The following RPGRIP1L variants were observed in gnomAD, a reference collection of about 807,000 sequenced individuals.
RPGRIP1L encodes the protein RPGRIP1 like.
RPGRIP1L carries 131 observed loss-of-function variants against 160.4 expected under a neutral mutation model. The ratio of observed to expected loss-of-function variants is 0.82; its 90% CI spans 0.71 to 0.94. The LOEUF is 0.94. Ranked by LOEUF, RPGRIP1L falls within the 40% of genes least tolerant of loss-of-function variation. The pLI is 0.00. For synonymous variants in RPGRIP1L, 510 were observed against 515.8 expected (o/e 0.99, Z 0.15); for missense variants, 1,522 against 1,535.8 (o/e 0.99, Z 0.15).
At chr16:53,636,980 A>G (rs1474244259) in intron 21 of RPGRIP1L, among the ~76,000 whole-genome samples, 1 of 136,120 alleles carries the variant, frequency 7.3e-6, no homozygotes, top group Non-Finnish European at 1.6e-5. Context: ...ACACACACAC[A>G]CACACACTCT....
rs1234992132 is a variant in RPGRIP1L at position 53,598,633 on chromosome 16, G to A, written c.*3443C>T. 1.3e-5 allele frequency: 2 copies of A among 152,158 alleles called. No individual in the cohort carries two copies. Among genetic ancestry groups the A allele is most frequent in the African/African-American group, 4.8e-5 (2 of 41,442 alleles). The allele number at this position is 152,158 out of a possible 1,614,324, so 9.4% of individuals were successfully genotyped here. Reference sequence around the variant, plus strand: ...TTTCTAGCTTTCTGGTTGACCTAGAGGTTGTTTTTGTTCTGAACAAAGGGG... The same window carrying A: ...TTTCTAGCTTTCTGGTTGACCTAGAAGTTGTTTTTGTTCTGAACAAAGGGG... On this transcript the variant is annotated 3_prime_UTR_variant, in exon 27 of 27. Transcript: ENST00000647211.
chr16:53,695,619 C>T, intron 3 of RPGRIP1L: 1 of 577,772 alleles, frequency 1.7e-6, no homozygotes, highest in South Asian at 2.2e-5. Context: ...ATTTTTTGCA[C>T]ATAAATCAAA....
At chr16:53,607,307 TATAG>T (rs1963751468) in intron 25 of RPGRIP1L, among the ~76,000 whole-genome samples, 1 of 152,166 alleles carries the variant, frequency 6.6e-6, no homozygotes, top group Admixed American at 6.5e-5. Flanking sequence ...GTATTTTTAA[TATAG>T]ATAGAGTTGC....
rs1437242760 is a variant in RPGRIP1L at position 53,671,578 on chromosome 16, C to T, written c.1035G>A (p.Gln345=). Residue 345 remains glutamine (Q), a synonymous_variant, in exon 9 of 27, where the codon CAG becomes CAA. Transcript: ENST00000647211. ...CCTTTTCTAAATCATTAATTCTATC[C>T]TGCAGCTAAAATGAAAATAAAATTA... is the stretch of plus-strand genomic sequence containing the variant. ...KFSERRIEEL[Q]DRINDLEKER... 2 of 1,510,462 alleles carry T rather than the reference C, an allele frequency of 1.3e-6. No individual in the cohort carries two copies. The highest frequency in any genetic ancestry group is 9.2e-7 in the Non-Finnish European group (1 of 1,091,972). The allele number at this position is 1,510,462 out of a possible 1,614,324, so 93.6% of individuals were successfully genotyped here.
At chr16:53,658,566 G>T in intron 11 of RPGRIP1L, 102 bp from the exon 12 acceptor site, 1 of 995,576 alleles carries the variant, frequency 1.0e-6, no homozygotes, top group Non-Finnish European at 1.6e-6. Flanking sequence ...ACTGACTGAT[G>T]CCATGAACTA....
chr16:53,611,772 T>C (rs892955458), intron 24 of RPGRIP1L, among the ~76,000 whole-genome samples: 2 of 152,246 alleles, frequency 1.3e-5, no homozygotes, highest in African/African-American at 2.4e-5. Flanking sequence ...GGCATTTCAA[T>C]GTGCGAACAG....
intron 10 of RPGRIP1L, chr16:53,659,616 C>T (rs568082306): frequency 1.1e-3 from 173 of 152,380 alleles, no homozygotes; most frequent in Non-Finnish European, 2.1e-3. Flanking sequence ...GGCATCGTGG[C>T]TTATGCCTAT....
chr16:53,620,899 C>T (rs1598246607), intron 23 of RPGRIP1L, among the ~76,000 whole-genome samples: 1 of 152,156 alleles, frequency 6.6e-6, no homozygotes, highest in East Asian at 1.9e-4. Flanking sequence ...TCTGCTCCAA[C>T]TGTAGCATAA....
chr16:53,663,052 A>G (rs2151188898), intron 10 of RPGRIP1L, among the ~76,000 whole-genome samples: 1 of 152,174 alleles, frequency 6.6e-6, no homozygotes, highest in East Asian at 1.9e-4. Context: ...TACATCTATC[A>G]TTTAGAAATA....
At chr16:53,625,541 G>A (rs1237327558) in intron 22 of RPGRIP1L, among the ~76,000 whole-genome samples, 5 of 149,148 alleles carry the variant, frequency 3.4e-5, no homozygotes, top group Admixed American at 6.7e-5. Flanking sequence ...GCCTCCGCCC[G>A]GCAGCCACCC....
chr16:53,644,468 C>T (rs1448998445), intron 17 of RPGRIP1L, among the ~76,000 whole-genome samples: 2 of 152,136 alleles, frequency 1.3e-5, no homozygotes, highest in East Asian at 1.9e-4. Context: ...CATAACATTA[C>T]ACTACACACA....
intron 22 of RPGRIP1L, among the ~76,000 whole-genome samples, chr16:53,622,922 C>T (rs545116684): frequency 4.0e-5 from 6 of 151,316 alleles, no homozygotes; most frequent in African/African-American, 1.5e-4. Context: ...TTGCTTGAGC[C>T]TGAGAGGTTG....
At chr16:53,660,941 T>C (rs1490678114) in intron 10 of RPGRIP1L, among the ~76,000 whole-genome samples, 1 of 151,430 alleles carries the variant, frequency 6.6e-6, no homozygotes, top group Non-Finnish European at 1.5e-5. Context: ...TTTTGTCTTA[T>C]TGATAGAAGG....
At chr16:53,683,008 AG>A (rs1016240315) in intron 6 of RPGRIP1L, among the ~76,000 whole-genome samples, 4 of 152,148 alleles carry the variant, frequency 2.6e-5, no homozygotes, top group African/African-American at 9.6e-5. Context: ...ATAGTTTTTT[AG>A]GAATAGAATT....
At chr16:53,635,209 G>A (rs1176324144) in intron 22 of RPGRIP1L, among the ~76,000 whole-genome samples, 1 of 152,078 alleles carries the variant, frequency 6.6e-6, no homozygotes, top group Non-Finnish European at 1.5e-5. Context: ...CCTTAGTTAA[G>A]AGCAATGTAC....
At chr16:53,670,599 TAG>T (rs1392197379) in intron 9 of RPGRIP1L, among the ~76,000 whole-genome samples, 3 of 152,114 alleles carry the variant, frequency 2.0e-5, no homozygotes, top group Non-Finnish European at 2.9e-5. Flanking sequence ...AATTATGAAG[TAG>T]ATTAAGAAAC....
chr16:53,685,359 A>G (rs1969928592), intron 6 of RPGRIP1L, among the ~76,000 whole-genome samples: 1 of 152,234 alleles, frequency 6.6e-6, no homozygotes, highest in Non-Finnish European at 1.5e-5. Flanking sequence ...TACTGGGTAT[A>G]TACCTAAAGG....
chr16:53,666,379 A>G lies in RPGRIP1L; in HGVS notation c.1104-1370T>C, dbSNP rs368454902. Among the ~76,000 whole-genome samples, 15 of 152,246 alleles carry G rather than the reference A, an allele frequency of 9.9e-5. No individual in the cohort carries two copies. In the East Asian group the frequency reaches 1.9e-3, roughly 20 times the overall value. On this transcript the variant is annotated intron_variant, in intron 9 of 26. Transcript: ENST00000647211. The stretch of plus-strand genomic sequence containing the variant: ...ATAGGATCTATATATCAATTATTTA[A>G]GTTGATTTTATCAAAGGTACAATGA...
chr16:53,681,089 G>T (rs939208325), intron 6 of RPGRIP1L, among the ~76,000 whole-genome samples: 2 of 152,198 alleles, frequency 1.3e-5, no homozygotes, highest in African/African-American at 4.8e-5. Context: ...AAGTAATCTT[G>T]TATCTGTGCA....
Sources: gnomAD v4.1 joint callset for allele counts (sites outside exome capture counted in the v4.1 genomes callset) on GRCh38, gnomAD v4.1.1 for gene constraint, MANE v1.5 for transcripts, NCBI Gene and HGNC (gene_info 2026-07-23, HGNC 2026-07-21) for gene names.